The following PLCG2 variants were observed in gnomAD, a reference collection of about 807,000 sequenced individuals.
PLCG2 encodes the protein 1-phosphatidylinositol 4,5-bisphosphate phosphodiesterase gamma-2.
PLCG2 carries 69 observed loss-of-function variants against 175.6 expected under a neutral mutation model. That is an observed-to-expected ratio of 0.39 (90% confidence interval 0.32 to 0.48). The LOEUF (loss-of-function observed/expected upper bound fraction) is 0.48, where lower values mean the gene tolerates loss of function less well. Among genes scored for constraint, PLCG2 ranks in the 20% least tolerant of loss-of-function variants. The pLI is 0.91. For missense variants in PLCG2, 1,798 were observed against 1,650.9 expected (o/e 1.09, Z -1.54); for synonymous variants, 827 against 624.0 (o/e 1.33, Z -4.85).
chr16:81,786,049 A>T lies in PLCG2; in HGVS notation c.60A>T (p.Arg20Ser). 6.2e-7 allele frequency: 1 copy of T among 1,614,186 alleles called. No homozygotes were observed. The highest frequency in any genetic ancestry group is 1.1e-5 in the South Asian group (1 of 91,082). The change falls in exon 2 of 33, where the codon AGA (arginine) becomes AGT (serine). Residue 20 changes from arginine (R) to serine (S), a missense_variant. By Grantham distance (110) the Arg-to-Ser change is moderately radical. Transcript: ENST00000564138. ...AATATGAGAAGAGCCAGATCAAGAG[A>T]GCCCTGGAGCTGGGGACGGTGATGA... is the stretch of plus-strand genomic sequence containing the variant. ...LAEYEKSQIK[R>S]ALELGTVMTV... is the part of the protein sequence containing the mutation.
chr16:81,895,542 A>G, intron 12 of PLCG2: 1 of 384,380 alleles, frequency 2.6e-6, no homozygotes, highest in Non-Finnish European at 4.8e-6. Context: ...CCTGGGCAAC[A>G]GAGCGAGACT....
At chr16:81,839,587 A>T (rs1398119392) in intron 2 of PLCG2, among the ~76,000 whole-genome samples, 1 of 152,162 alleles carries the variant, frequency 6.6e-6, no homozygotes, top group Non-Finnish European at 1.5e-5. Context: ...TTTTAAACTT[A>T]ATTTTATATA....
intron 2 of PLCG2, among the ~76,000 whole-genome samples, chr16:81,815,076 T>C (rs1904483235): frequency 6.6e-6 from 1 of 152,218 alleles, no homozygotes; most frequent in South Asian, 2.1e-4. Context: ...AGTTAACTTT[T>C]AAACATTTCC....
At chr16:81,755,699 T>C (rs980049996) in intron 1 of PLCG2, 1 of 151,962 alleles carries the variant, frequency 6.6e-6, no homozygotes, top group African/African-American at 2.4e-5. Context: ...TTAATTTTTG[T>C]ATTTTTAGTA....
At chr16:81,879,919 G>A (rs368394863) in intron 7 of PLCG2, among the ~76,000 whole-genome samples, 54 of 152,256 alleles carry the variant, frequency 3.5e-4, no homozygotes, top group African/African-American at 1.2e-3. Flanking sequence ...TATTTCTTTC[G>A]TCTTCTTGCC....
At chr16:81,760,588 C>A (rs967569215) in intron 2 of PLCG2, among the ~76,000 whole-genome samples, 3 of 151,656 alleles carry the variant, frequency 2.0e-5, no homozygotes, top group African/African-American at 7.3e-5. Flanking sequence ...TTGCTGGGCA[C>A]CCAAAAAGAA....
chr16:81,929,683 A>T (rs1354327071), intron 24 of PLCG2, among the ~76,000 whole-genome samples: 1 of 152,254 alleles, frequency 6.6e-6, no homozygotes, highest in Non-Finnish European at 1.5e-5. Flanking sequence ...GGCATGTGCC[A>T]CCATGCCCAG....
intron 26 of PLCG2, chr16:81,935,947 A>G (rs372807925): frequency 5.1e-6 from 5 of 985,048 alleles, no homozygotes; most frequent in Non-Finnish European, 6.0e-6. Context: ...CTAGCCTAAA[A>G]GGTGGTGGGA....
At chr16:81,931,689 G>A in intron 25 of PLCG2, 35 bp downstream of exon 25, 1 of 1,597,704 alleles carries the variant, frequency 6.3e-7, no homozygotes, top group Non-Finnish European at 8.6e-7. Context: ...AGGTGGGCCT[G>A]GCATTCTGAG....
In PLCG2 at chr16:81,937,787, T is replaced by A; in HGVS notation, c.3082T>A (p.Phe1028Ile). The change falls in exon 28 of 33, where the codon TTT (phenylalanine) becomes ATT (isoleucine). Residue 1028 changes from phenylalanine (F) to isoleucine (I), a missense_variant. Coordinates refer to ENST00000564138, the MANE Select transcript of PLCG2 (RefSeq NM_002661.5). ...GTACATGCAGATGAATCACGCATTG[T>A]TTTCTCTCAATGGGCGCACGGGCTA... Reference protein sequence around the residue: ...DKYMQMNHALFSLNGRTGYVL... With the variant: ...DKYMQMNHALISLNGRTGYVL... The A allele has an allele frequency of 6.2e-7, 1 of 1,614,074 alleles. No individual in the cohort carries two copies. Among genetic ancestry groups the A allele is most frequent in the Non-Finnish European group, 8.5e-7 (1 of 1,179,966 alleles).
intron 14 of PLCG2, among the ~76,000 whole-genome samples, chr16:81,903,200 T>TAG (rs1326112899): frequency 6.6e-6 from 1 of 152,070 alleles, no homozygotes; most frequent in Non-Finnish European, 1.5e-5. Flanking sequence ...GTTGGGACAA[T>TAG]AGGACACACA....
At chr16:81,884,270 G>A (rs1908241743) in intron 9 of PLCG2, among the ~76,000 whole-genome samples, 1 of 152,106 alleles carries the variant, frequency 6.6e-6, no homozygotes, top group African/African-American at 2.4e-5. Flanking sequence ...AGAATGGCTT[G>A]AACCTGGGAG....
intron 31 of PLCG2, among the ~76,000 whole-genome samples, chr16:81,947,773 A>G (rs1264615044): frequency 6.6e-6 from 1 of 152,214 alleles, no homozygotes; most frequent in African/African-American, 2.4e-5. Context: ...TGTTTAGTTT[A>G]TAAAGAGTAT....
At chr16:81,941,553 A>G (rs1910939752) in intron 30 of PLCG2, among the ~76,000 whole-genome samples, 1 of 147,412 alleles carries the variant, frequency 6.8e-6, no homozygotes, top group African/African-American at 2.6e-5. Context: ...GAAAATGTTT[A>G]AAGTTTCTGA....
At chr16:81,742,758 T>A (rs2143046161) in intron 1 of PLCG2, among the ~76,000 whole-genome samples, 1 of 152,146 alleles carries the variant, frequency 6.6e-6, no homozygotes, top group South Asian at 2.1e-4. Context: ...GAGACGGGAG[T>A]GAACAGGGGC....
At chr16:81,777,710 C>T (rs953306816), upstream of PLCG2, among the ~76,000 whole-genome samples, 2 of 151,930 alleles carry the variant, frequency 1.3e-5, no homozygotes, top group Admixed American at 6.6e-5. Context: ...GAGTGATATT[C>T]CTCAATTAAA....
chr16:81,844,464 G>C (rs1045250628), intron 2 of PLCG2, among the ~76,000 whole-genome samples: 5 of 152,136 alleles, frequency 3.3e-5, no homozygotes, highest in African/African-American at 9.7e-5. Context: ...TGCGATTACA[G>C]GTGCATGCCC....
intron 22 of PLCG2, among the ~76,000 whole-genome samples, chr16:81,924,094 C>T (rs1384366801): frequency 6.6e-6 from 1 of 152,204 alleles, no homozygotes; most frequent in African/African-American, 2.4e-5. Context: ...TGTGCAATGG[C>T]CACATCCTGA....
chr16:81,847,495 C>T (rs1238288866), intron 2 of PLCG2, among the ~76,000 whole-genome samples: 1 of 152,108 alleles, frequency 6.6e-6, no homozygotes, highest in Non-Finnish European at 1.5e-5. Context: ...AGCCAACCTT[C>T]ATCCTGAGGT....
Sources: allele counts gnomAD v4.1 joint callset (sites outside exome capture counted in the v4.1 genomes callset), GRCh38; gene constraint gnomAD v4.1.1; transcripts MANE v1.5; gene names NCBI Gene and HGNC (gene_info 2026-07-23, HGNC 2026-07-21).